The following SLC32A1 variants were observed in gnomAD, a reference collection of about 807,000 sequenced individuals.
The protein encoded by SLC32A1 is vesicular inhibitory amino acid transporter.
A neutral mutation model predicts 35.5 loss-of-function variants in SLC32A1; 8 were observed. That is an observed-to-expected ratio of 0.23 (90% CI 0.13 to 0.41). The LOEUF (loss-of-function observed/expected upper bound fraction) is 0.41, where lower values mean the gene tolerates loss of function less well. SLC32A1 is among the 10% of genes least tolerant of loss of function. SLC32A1 has a pLI of 1.00. For missense variants in SLC32A1, 493 were observed against 722.3 expected (o/e 0.68, Z 3.64); for synonymous variants, 317 against 326.3 (o/e 0.97, Z 0.31).
rs1453373745 is a variant in SLC32A1 at position 38,728,690 on chromosome 20, T to C, written c.*51T>C. 1 of 1,441,806 alleles carries C rather than the reference T, an allele frequency of 6.9e-7. No homozygotes were observed. The highest frequency in any genetic ancestry group is 9.3e-7 in the Non-Finnish European group (1 of 1,079,870). 89.3% of individuals were successfully genotyped at this position (1,441,806 alleles called of 1,614,324 possible). On this transcript the variant is annotated 3_prime_UTR_variant, in exon 2 of 2. Coordinates refer to ENST00000217420, the MANE Select transcript of SLC32A1 (RefSeq NM_080552.3). ...CTTCTGCGCTCTCTCCCTTCTCCCC[T>C]CACCCCGCCCCCACCAGCCCAGTGC...
intron 1 of SLC32A1, among the ~76,000 whole-genome samples, chr20:38,725,649 C>A (rs950126109): frequency 2.6e-5 from 4 of 152,124 alleles, no homozygotes; most frequent in Admixed American, 1.3e-4. Flanking sequence ...CGACATGTAT[C>A]TATATATAGA....
Position 38,728,603 on chromosome 20 carries a change from C to T in SLC32A1, c.1542C>T (p.Gly514=). 1.2e-6 allele frequency: 2 copies of T among 1,611,396 alleles called. No individual in the cohort carries two copies. The highest frequency in any genetic ancestry group is 1.7e-5 in the Admixed American group (1 of 59,850). The part of the protein sequence containing the change: ...SVSGFVHSLE[G]LIEAYRTNAE... ...CCGGCTTCGTGCACTCCCTCGAGGGCCTCATCGAAGCCTACCGAACCAACG... is the reference window on the plus strand; with the variant it reads ...CCGGCTTCGTGCACTCCCTCGAGGGTCTCATCGAAGCCTACCGAACCAACG... Residue 514 remains glycine (G), a synonymous_variant, in exon 2 of 2, where the codon GGC becomes GGT. Coordinates refer to ENST00000217420, the MANE Select transcript of SLC32A1 (RefSeq NM_080552.3).
Position 38,726,459 on chromosome 20 carries a change from G to T in SLC32A1, c.391-993G>T, listed in dbSNP as rs1345377364. On this transcript the variant is annotated intron_variant, in intron 1 of 1. Transcript: ENST00000217420. The surrounding 1 kb of genome is among the most constrained non-coding windows in gnomAD (Gnocchi z 4.7). ...TTCCCGGGGCGTCTTTCAAGGCTCC[G>T]TTTGATAGGCCCCAAGGGAGGCCAG... Among the ~76,000 whole-genome samples the T allele has an allele frequency of 6.6e-6, 1 of 152,152 alleles. No homozygotes were observed. Among genetic ancestry groups the T allele is most frequent in the African/African-American group, 2.4e-5 (1 of 41,446 alleles).
Position 38,727,515 on chromosome 20 carries a change from A to T in SLC32A1, c.454A>T (p.Ile152Phe), listed in dbSNP as rs1490682237. 1 of 1,608,978 alleles carries T rather than the reference A, an allele frequency of 6.2e-7. No homozygotes were observed. ...LHGGYLGLFLIIFAAVVCCYT... is the reference protein window; with the variant it reads ...LHGGYLGLFLFIFAAVVCCYT... The stretch of plus-strand genomic sequence containing the variant: ...CGGCGGCTACCTGGGGTTGTTTCTC[A>T]TCATCTTCGCCGCCGTTGTGTGCTG... Residue 152 changes from isoleucine to phenylalanine, a missense_variant, in exon 2 of 2, where the codon ATC (isoleucine) becomes TTC (phenylalanine). Transcript: ENST00000217420.
rs539129389 is a variant in SLC32A1, at chr20:38,725,234, C to T, written c.390+120C>T. 816 of 1,254,874 alleles carry T rather than the reference C, an allele frequency of 6.5e-4. 4 individuals are homozygous for T. In the Middle Eastern group the frequency reaches 0.01, roughly 16 times the overall value. The allele number at this position is 1,254,874 out of a possible 1,614,324, so 77.7% of individuals were successfully genotyped here. ...GAGACCCCCTCCTGTACCCAGGAAT[C>T]TCCCTTTCTCCATCCCTCCCAGCCC... On this transcript the variant is annotated intron_variant, in intron 1 of 1. Transcript: ENST00000217420.
In SLC32A1 at chr20:38,728,614, C is replaced by T. The variant is rs2084287569; in HGVS notation, c.1553C>T (p.Ala518Val). 6.2e-7 allele frequency: 1 copy of T among 1,609,170 alleles called. No individual in the cohort carries two copies. Among genetic ancestry groups the T allele is most frequent in the African/African-American group, 1.3e-5 (1 of 74,806 alleles). ...CACTCCCTCGAGGGCCTCATCGAAGCCTACCGAACCAACGCGGAGGACTAG... is the reference window on the plus strand; with the variant it reads ...CACTCCCTCGAGGGCCTCATCGAAGTCTACCGAACCAACGCGGAGGACTAG... ...FVHSLEGLIE[A>V]YRTNAED Residue 518 changes from alanine to valine, a missense_variant, in exon 2 of 2, where the codon GCC becomes GTC. This residue lies in a region of SLC32A1 where 269 missense variants were observed against 445.6 expected (regional missense o/e 0.60). Coordinates refer to ENST00000217420, the MANE Select transcript of SLC32A1 (RefSeq NM_080552.3).
intron 1 of SLC32A1, among the ~76,000 whole-genome samples, chr20:38,727,233 C>T (rs987911437): frequency 7.9e-5 from 12 of 152,184 alleles, no homozygotes; most frequent in African/African-American, 2.9e-4. Flanking sequence ...CCATACATCC[C>T]TCCCTCTCCA....
Position 38,724,579 on chromosome 20 carries a change from C to T in SLC32A1, c.-146C>T, listed in dbSNP as rs541350129. ...CTGAGAGAGCCTCGAACGCCAGCTG[C>T]GAGGGTCATGAGCCAGAGAGCCCCG... On this transcript the variant is annotated 5_prime_UTR_variant, in exon 1 of 2. Coordinates refer to ENST00000217420, the MANE Select transcript of SLC32A1 (RefSeq NM_080552.3). 2 of 1,009,788 alleles carry T rather than the reference C, an allele frequency of 2.0e-6. No homozygotes were observed. Among genetic ancestry groups the T allele is most frequent in the East Asian group, 2.7e-5 (1 of 37,266 alleles). 62.6% of individuals were successfully genotyped at this position (1,009,788 alleles called of 1,614,324 possible). A position where few individuals can be genotyped will look rare whatever the true frequency, so the allele number is the denominator to read the frequency against.
rs1368925816 is a variant in SLC32A1, at chr20:38,728,273, G to C, written c.1212G>C (p.Val404=). The C allele has an allele frequency of 6.2e-7, 1 of 1,613,696 alleles. No individual in the cohort carries two copies. The highest frequency in any genetic ancestry group is 8.5e-7 in the Non-Finnish European group (1 of 1,179,754). The change falls in exon 2 of 2, where the codon GTG becomes GTC. Residue 404 remains valine, a synonymous_variant. Coordinates refer to ENST00000217420, the MANE Select transcript of SLC32A1 (RefSeq NM_080552.3). ...YPLPFFAAVE[V]LEKSLFQEGS... is the part of the protein sequence containing the mutation. ...TGCCATTCTTTGCCGCTGTCGAGGT[G>C]CTGGAGAAGTCGCTCTTCCAGGAAG...
In SLC32A1 at chr20:38,726,148, G is replaced by A. The variant is rs1305896667; in HGVS notation, c.390+1034G>A. Among the ~76,000 whole-genome samples, 3 of 152,226 alleles carry A rather than the reference G, an allele frequency of 2.0e-5. No individual in the cohort carries two copies. The highest frequency in any genetic ancestry group is 7.2e-5 in the African/African-American group (3 of 41,470). On this transcript the variant is annotated intron_variant, in intron 1 of 1. Transcript: ENST00000217420. The surrounding 1 kb of genome is among the most constrained non-coding windows in gnomAD (Gnocchi z 4.7). Reference sequence around the variant, plus strand: ...CCGAGCTAGCAGGGGCTGGCAGGCCGCAGCTTTCTGGGCCGAAGGAGACTT... The same window carrying A: ...CCGAGCTAGCAGGGGCTGGCAGGCCACAGCTTTCTGGGCCGAAGGAGACTT...
rs1178665186 is a variant in SLC32A1 at position 38,729,340 on chromosome 20, A to T, written c.*701A>T. On this transcript the variant is annotated 3_prime_UTR_variant, in exon 2 of 2. Transcript: ENST00000217420. ...TCTCTAATTTAGAGTGCGGTACATA[A>T]TTATATCCGCAAATAAAGAAGAGAC... is the stretch of plus-strand genomic sequence containing the variant. 6.6e-6 allele frequency: 1 copy of T among 152,588 alleles called. No individual in the cohort carries two copies. Among genetic ancestry groups the T allele is most frequent in the Non-Finnish European group, 1.5e-5 (1 of 68,060 alleles). 9.5% of individuals were successfully genotyped at this position (152,588 alleles called of 1,614,324 possible).
Position 38,724,770 on chromosome 20 carries a change from G to C in SLC32A1, c.46G>C (p.Val16Leu), listed in dbSNP as rs1271036386. The C allele has an allele frequency of 6.2e-7, 1 of 1,613,662 alleles. No homozygotes were observed. Among genetic ancestry groups the C allele is most frequent in the Non-Finnish European group, 8.5e-7 (1 of 1,179,986 alleles). ...RSKLSNVATS[V>L]SNKSQAKMSG... is the part of the protein sequence containing the mutation. Reference sequence around the variant, plus strand: ...CAAGCTGTCCAACGTGGCCACGTCCGTGTCCAACAAGTCCCAGGCCAAGAT... The same window carrying C: ...CAAGCTGTCCAACGTGGCCACGTCCCTGTCCAACAAGTCCCAGGCCAAGAT... The change falls in exon 1 of 2, where the codon GTG becomes CTG. Residue 16 changes from valine (V) to leucine (L), a missense_variant. Transcript: ENST00000217420.
rs1433428968 is a variant in SLC32A1 at position 38,726,137 on chromosome 20, G to T, written c.390+1023G>T. Among the ~76,000 whole-genome samples, 1 of 152,254 alleles carries T rather than the reference G, an allele frequency of 6.6e-6. No homozygotes were observed. The highest frequency in any genetic ancestry group is 1.5e-5 in the Non-Finnish European group (1 of 68,036). On this transcript the variant is annotated intron_variant, in intron 1 of 1. Transcript: ENST00000217420. This position sits in a 1 kb window ranked among gnomAD's most constrained non-coding sequence, Gnocchi z 4.7. ...GGCAACGACCTCCGAGCTAGCAGGG[G>T]CTGGCAGGCCGCAGCTTTCTGGGCC...
Position 38,726,613 on chromosome 20 carries a change from G to A in SLC32A1, c.391-839G>A, listed in dbSNP as rs1406491024. Among the ~76,000 whole-genome samples the A allele has an allele frequency of 1.3e-5, 2 of 152,126 alleles. No homozygotes were observed. The highest frequency in any genetic ancestry group is 4.8e-5 in the African/African-American group (2 of 41,424). The stretch of plus-strand genomic sequence containing the variant: ...AGCTTCTGGTTCTAGACTCTTGCTC[G>A]GTTCGGCTTTCTGGCCTCCCTGGCG... On this transcript the variant is annotated intron_variant, in intron 1 of 1. Coordinates refer to ENST00000217420, the MANE Select transcript of SLC32A1 (RefSeq NM_080552.3). This position sits in a 1 kb window ranked among gnomAD's most constrained non-coding sequence, Gnocchi z 4.7.
chr20:38,727,824 G>A lies in SLC32A1; in HGVS notation c.763G>A (p.Ala255Thr). The change falls in exon 2 of 2, where the codon GCC (alanine) becomes ACC (threonine). Residue 255 changes from alanine (A) to threonine (T), a missense_variant. Coordinates refer to ENST00000217420, the MANE Select transcript of SLC32A1 (RefSeq NM_080552.3). ...IIATAVLLPC[A>T]FLKNLKAVSK... ...CGCCACGGCCGTGCTGCTGCCTTGC[G>A]CCTTCCTTAAGAACCTCAAGGCCGT... 2 of 1,614,180 alleles carry A rather than the reference G, an allele frequency of 1.2e-6. No individual in the cohort carries two copies. Among genetic ancestry groups the A allele is most frequent in the East Asian group, 4.5e-5 (2 of 44,886 alleles).
chr20:38,724,746 A>G lies in SLC32A1; in HGVS notation c.22A>G (p.Lys8Glu), dbSNP rs1327082135. 1 of 1,612,074 alleles carries G rather than the reference A, an allele frequency of 6.2e-7. No homozygotes were observed. The highest frequency in any genetic ancestry group is 8.5e-7 in the Non-Finnish European group (1 of 1,179,384). Residue 8 changes from lysine (K) to glutamate (E), a missense_variant, in exon 1 of 2, where the codon AAG becomes GAG. Physicochemically the swap from Lys to Glu is moderately conservative, Grantham distance 56. Around this residue, in one of 4 missense-constraint regions of SLC32A1, gnomAD observed 133 missense variants for 145.9 expected, o/e 0.91. Coordinates refer to ENST00000217420, the MANE Select transcript of SLC32A1 (RefSeq NM_080552.3). ...CGCCATGGCCACCTTGCTCCGCAGC[A>G]AGCTGTCCAACGTGGCCACGTCCGT... MATLLRSKLSNVATSVSN... is the reference protein window; with the variant it reads MATLLRSELSNVATSVSN...
chr20:38,726,220 C>T lies in SLC32A1; in HGVS notation c.390+1106C>T, dbSNP rs1338820787. Among the ~76,000 whole-genome samples the T allele has an allele frequency of 6.6e-6, 1 of 152,216 alleles. No homozygotes were observed. Among genetic ancestry groups the T allele is most frequent in the Admixed American group, 6.5e-5 (1 of 15,290 alleles). On this transcript the variant is annotated intron_variant, in intron 1 of 1. Coordinates refer to ENST00000217420, the MANE Select transcript of SLC32A1 (RefSeq NM_080552.3). The surrounding 1 kb of genome is among the most constrained non-coding windows in gnomAD (Gnocchi z 4.7). ...CCTTACAGCTTGGCCCCGCGGCGTC[C>T]CTGGAGCGCACTATCACTGGGGCCA... is the stretch of plus-strand genomic sequence containing the variant.
chr20:38,725,149 C>A, intron 1 of SLC32A1, 35 bp downstream of exon 1: 2 of 1,502,660 alleles, frequency 1.3e-6, no homozygotes, highest in East Asian at 2.4e-5. Flanking sequence ...CCTGTCCTCC[C>A]CCCTCCCAGC....
chr20:38,728,655 C>A lies in SLC32A1; in HGVS notation c.*16C>A, dbSNP rs1203207818. On this transcript the variant is annotated 3_prime_UTR_variant, in exon 2 of 2. Coordinates refer to ENST00000217420, the MANE Select transcript of SLC32A1 (RefSeq NM_080552.3). ...GGAGGACTAGGGCGCAAGGGCGAGC[C>A]CCCGCCGCGCTTCTGCGCTCTCTCC... The A allele has an allele frequency of 1.3e-6, 2 of 1,569,800 alleles. No individual in the cohort carries two copies. Among genetic ancestry groups the A allele is most frequent in the Middle Eastern group, 3.5e-4 (2 of 5,678 alleles).
Sources: gnomAD v4.1 joint callset for allele counts (sites outside exome capture counted in the v4.1 genomes callset) on GRCh38, gnomAD v4.1.1 for gene constraint, gnomAD v4.1.1 regional missense constraint, Gnocchi (gnomAD v3.1) non-coding constraint, MANE v1.5 for transcripts, NCBI Gene and HGNC (gene_info 2026-07-23, HGNC 2026-07-21) for gene names.